NCOA1: variants seen among roughly 807,000 people sequenced by gnomAD.
NCOA1 encodes Hin-2 protein.
NCOA1 carries 35 observed loss-of-function variants against 150.9 expected under a neutral mutation model. That is an observed-to-expected ratio of 0.23 (90% CI 0.18 to 0.31). The LOEUF (loss-of-function observed/expected upper bound fraction) is 0.31, where lower values mean the gene tolerates loss of function less well. Among genes scored for constraint, NCOA1 ranks in the 10% least tolerant of loss-of-function variants. The pLI is 1.00. For missense variants in NCOA1, 1,491 were observed against 1,749.3 expected, an observed-to-expected ratio of 0.85 and a Z score of 2.63; for synonymous variants, 590 against 630.0, an observed-to-expected ratio of 0.94 and a Z score of 0.95.
chr2:24,495,436 T>C (rs1036086784), intron 1 of NCOA1, among the ~76,000 whole-genome samples: 11 of 152,164 alleles, frequency 7.2e-5, no homozygotes, highest in African/African-American at 2.7e-4. Flanking sequence ...CGAGGAGTTA[T>C]GGAAGACTCA....
chr2:24,530,840 C>A (rs973856997), intron 1 of NCOA1, among the ~76,000 whole-genome samples: 1 of 152,020 alleles, frequency 6.6e-6, no homozygotes, highest in African/African-American at 2.4e-5. Context: ...ATTGAAGATA[C>A]CTTTTAAAGG....
chr2:24,629,369 A>G (rs1669574886), intron 3 of NCOA1, among the ~76,000 whole-genome samples: 1 of 152,136 alleles, frequency 6.6e-6, no homozygotes, highest in Non-Finnish European at 1.5e-5. Flanking sequence ...CAGACTTGTA[A>G]ACACACAGTT....
At chr2:24,642,037 T>TGTGTGTGTGTGTGTGTGTGCGCGCGC (rs942145000) in intron 3 of NCOA1, among the ~76,000 whole-genome samples, 108 of 138,546 alleles carry the variant, frequency 7.8e-4, no homozygotes, top group African/African-American at 2.4e-3. Context: ...TGTGTGTGTG[T>TGTGTGTGTGTGTGTGTGTGCGCGCGC]GCGCGCGTGC....
At chr2:24,734,994 A>G (rs146897770) in intron 17 of NCOA1, among the ~76,000 whole-genome samples, 1 of 152,320 alleles carries the variant, frequency 6.6e-6, no homozygotes, top group Non-Finnish European at 1.5e-5. Context: ...TGCATCATAA[A>G]TGCTGGTACA....
chr2:24,716,669 A>C (rs1051436530), intron 14 of NCOA1, among the ~76,000 whole-genome samples: 9 of 152,212 alleles, frequency 5.9e-5, no homozygotes. Flanking sequence ...CTAATCATGA[A>C]AGAAAAAGAT....
At position 24,589,615 on chromosome 2, in the gene NCOA1, A is replaced by G. The variant is rs371280428; in HGVS notation, c.-175+5055A>G. Among the ~76,000 whole-genome samples the G allele has an allele frequency of 2.3e-3, 335 of 147,646 alleles. 14 individuals are homozygous for G. In the South Asian group the frequency reaches 0.07, roughly 31 times the overall value. The stretch of plus-strand genomic sequence containing the variant: ...GCTTCTGTTGAGTAGGCATAGGGAG[A>G]GGAAAGAGGTTGGTGGTGTGTGTGT... On this transcript the variant is annotated intron_variant, in intron 3 of 22. Transcript: ENST00000348332.
At chr2:24,503,718 T>C (rs976207289) in intron 1 of NCOA1, among the ~76,000 whole-genome samples, 1 of 151,204 alleles carries the variant, frequency 6.6e-6, no homozygotes, top group Non-Finnish European at 1.5e-5. Context: ...TTTTTTATCA[T>C]GTATACTTGT....
intron 19 of NCOA1, among the ~76,000 whole-genome samples, chr2:24,749,182 AACAG>A (rs1664092828): frequency 6.6e-6 from 1 of 152,220 alleles, no homozygotes; most frequent in African/African-American, 2.4e-5. Context: ...ATAAACAAAA[AACAG>A]ACAAAGTACA....
At chr2:24,658,521 GT>G (rs1048951149) in intron 4 of NCOA1, 139 bp from the exon 5 acceptor site, 32 of 605,096 alleles carry the variant, frequency 5.3e-5, no homozygotes, top group African/African-American at 5.2e-4. Flanking sequence ...AGATCTTCAT[GT>G]TTTTATGATG....
chr2:24,611,763 A>G (rs535642924), intron 3 of NCOA1, among the ~76,000 whole-genome samples: 12 of 152,206 alleles, frequency 7.9e-5, no homozygotes, highest in Non-Finnish European at 1.3e-4. Context: ...TTTTTCATTT[A>G]CATGATAGAT....
intron 1 of NCOA1, among the ~76,000 whole-genome samples, chr2:24,537,824 T>A (rs1665227039): frequency 6.6e-6 from 1 of 152,184 alleles, no homozygotes. Flanking sequence ...TATCTCATAA[T>A]GTTATGCTGT....
chr2:24,553,224 C>CT lies in NCOA1; in HGVS notation c.-395-11058dup, dbSNP rs1316810810. Among the ~76,000 whole-genome samples, 633 of 138,056 alleles carry CT rather than the reference C, an allele frequency of 4.6e-3. 2 individuals carry two copies. Among genetic ancestry groups the CT allele is most frequent in the African/African-American group, 0.01 (381 of 37,480 alleles). The allele number at this position is 138,056 out of a possible 152,430, so 90.6% of individuals were successfully genotyped here. ...GATGTGGAAGTTTTTCAAATGCCTT[C>CT]TTTTTTTTTTTTTGAGGCAGGGTCT... On this transcript the variant is annotated intron_variant, in intron 1 of 22. Transcript: ENST00000348332.
chr2:24,568,389 T>C (rs1244129332), intron 2 of NCOA1, among the ~76,000 whole-genome samples: 1 of 152,210 alleles, frequency 6.6e-6, no homozygotes, highest in Non-Finnish European at 1.5e-5. Context: ...TGGCCAGTTA[T>C]ATTAAGGGAA....
chr2:24,501,983 A>G (rs1162014217), intron 1 of NCOA1, among the ~76,000 whole-genome samples: 1 of 152,062 alleles, frequency 6.6e-6, no homozygotes, highest in Non-Finnish European at 1.5e-5. Context: ...CTGTTTTTCC[A>G]CTTTGCAACA....
intron 17 of NCOA1, among the ~76,000 whole-genome samples, chr2:24,732,626 G>T (rs1451338463): frequency 6.6e-6 from 1 of 152,130 alleles, no homozygotes; most frequent in East Asian, 1.9e-4. Flanking sequence ...AAGAAAAAAA[G>T]ATCAACTCAG....
intron 1 of NCOA1, among the ~76,000 whole-genome samples, chr2:24,521,542 C>T (rs1482615337): frequency 6.6e-6 from 1 of 152,188 alleles, no homozygotes; most frequent in Non-Finnish European, 1.5e-5. Flanking sequence ...CCAAGTTCAT[C>T]CATGTTGTCA....
chr2:24,640,232 C>T (rs1670148018), intron 3 of NCOA1, among the ~76,000 whole-genome samples: 1 of 151,240 alleles, frequency 6.6e-6, no homozygotes, highest in Non-Finnish European at 1.5e-5. Flanking sequence ...AAATGGTTCA[C>T]CATTTGTTTC....
chr2:24,720,429 C>T (rs528082017), intron 14 of NCOA1, among the ~76,000 whole-genome samples: 2 of 152,294 alleles, frequency 1.3e-5, no homozygotes, highest in East Asian at 3.9e-4. Context: ...TTGAGGCAAA[C>T]AGCTTTTTTC....
At chr2:24,752,449 T>C (rs1664299228) in intron 20 of NCOA1, among the ~76,000 whole-genome samples, 1 of 152,224 alleles carries the variant, frequency 6.6e-6, no homozygotes, top group African/African-American at 2.4e-5. Flanking sequence ...CTAAATTTTA[T>C]ATTATCAGCA....
Sources: allele counts gnomAD v4.1 joint callset (sites outside exome capture counted in the v4.1 genomes callset), GRCh38; gene constraint gnomAD v4.1.1; transcripts MANE v1.5; gene names NCBI Gene and HGNC (gene_info 2026-07-23, HGNC 2026-07-21).